The following LPP variants were observed in gnomAD, a reference collection of about 807,000 sequenced individuals.
LPP encodes lipoma-preferred partner.
A neutral mutation model predicts 60.4 loss-of-function variants in LPP; 38 were observed. The ratio of observed to expected loss-of-function variants is 0.63; its 90% CI spans 0.49 to 0.83. LPP has a LOEUF of 0.83. LPP is among the 40% of genes least tolerant of loss of function. The pLI is 0.00. For missense variants in LPP, 902 were observed against 783.6 expected, an observed-to-expected ratio of 1.15 and a Z score of -1.80; for synonymous variants, 328 against 290.8, an observed-to-expected ratio of 1.13 and a Z score of -1.30.
chr3:188,717,093 C>G (rs1023156821), intron 8 of LPP, among the ~76,000 whole-genome samples: 4 of 152,136 alleles, frequency 2.6e-5, no homozygotes, highest in African/African-American at 9.7e-5. Flanking sequence ...TAAGGGACTC[C>G]CCACTCCCCA....
chr3:188,609,265 T>C lies in LPP; in HGVS notation c.534T>C (p.Ser178=), dbSNP rs745820645. ...NQPPLTATKK[S]TLKPQPAPQA... ...CCCCTCTAACAGCAACCAAGAAGTC[T>C]ACATTGAAACCACAGCCTGCACCCC... The change falls in exon 7 of 12, where the codon TCT becomes TCC. Residue 178 remains serine, a synonymous_variant. Transcript: ENST00000617246. This position sits in a 1 kb window ranked among gnomAD's most constrained non-coding sequence, Gnocchi z 6.9. 5.0e-6 allele frequency: 8 copies of C among 1,613,930 alleles called. No homozygotes were observed. The South Asian group carries it at 8.8e-5, about 18-fold the overall frequency.
intron 9 of LPP, among the ~76,000 whole-genome samples, chr3:188,765,897 G>T (rs1324242625): frequency 7.8e-6 from 1 of 128,486 alleles, no homozygotes; most frequent in Non-Finnish European, 1.6e-5. Context: ...TGGAGACAGG[G>T]TCTCTCTCTG....
chr3:188,806,835 G>A (rs2378444), intron 9 of LPP, among the ~76,000 whole-genome samples: 37,018 of 151,468 alleles, frequency 0.24, 6,078 homozygotes, highest in East Asian at 0.81. Flanking sequence ...CCATCTTTTC[G>A]TGTTCTTGTT....
intron 9 of LPP, among the ~76,000 whole-genome samples, chr3:188,764,321 A>C (rs1163981984): frequency 6.6e-6 from 1 of 152,204 alleles, no homozygotes; most frequent in Admixed American, 6.5e-5. Context: ...ATGTCTTCAC[A>C]GATAAGGAAT....
intron 8 of LPP, among the ~76,000 whole-genome samples, chr3:188,733,663 G>A (rs549155221): frequency 6.6e-6 from 1 of 152,222 alleles, no homozygotes; most frequent in South Asian, 2.1e-4. Flanking sequence ...GGAAACTCTT[G>A]ACTTTGCTTG....
At chr3:188,226,107 C>T (rs1360233327) in intron 2 of LPP, among the ~76,000 whole-genome samples, 1 of 152,158 alleles carries the variant, frequency 6.6e-6, no homozygotes, top group Non-Finnish European at 1.5e-5. Context: ...CTCCCAGGTT[C>T]AAGCGATTCT....
chr3:188,215,638 G>C (rs1713251462), intron 1 of LPP, among the ~76,000 whole-genome samples: 2 of 152,142 alleles, frequency 1.3e-5, no homozygotes, highest in African/African-American at 4.8e-5. Flanking sequence ...ATTATATTCT[G>C]TGGTAATGAA....
At chr3:188,510,987 G>C (rs1354431797) in intron 5 of LPP, among the ~76,000 whole-genome samples, 1 of 151,790 alleles carries the variant, frequency 6.6e-6, no homozygotes, top group Non-Finnish European at 1.5e-5. Context: ...TTTCTTCAAT[G>C]CAACTGTAAG....
intron 10 of LPP, among the ~76,000 whole-genome samples, chr3:188,868,089 T>C (rs1303415445): frequency 1.3e-5 from 2 of 152,224 alleles, no homozygotes; most frequent in Non-Finnish European, 2.9e-5. Context: ...GTGCTTCACA[T>C]TATTGATATT....
chr3:188,686,162 A>G (rs1332996887), intron 7 of LPP, among the ~76,000 whole-genome samples: 1 of 152,170 alleles, frequency 6.6e-6, no homozygotes, highest in African/African-American at 2.4e-5. Flanking sequence ...TACTCAGCCC[A>G]GAGCTCTGTA....
At chr3:188,512,577 A>AAATAAAT (rs2150045007) in intron 5 of LPP, among the ~76,000 whole-genome samples, 1 of 151,352 alleles carries the variant, frequency 6.6e-6, no homozygotes, top group South Asian at 2.1e-4. Context: ...ATAAATAAAT[A>AAATAAAT]AATAAATAAA....
chr3:188,564,192 A>G (rs7610783), intron 6 of LPP, among the ~76,000 whole-genome samples: 3,347 of 152,120 alleles, frequency 0.022, 121 homozygotes, highest in African/African-American at 0.077. Context: ...ATTCTATGAT[A>G]GGAAGGTCCA....
chr3:188,720,606 T>TA (rs535969624), intron 8 of LPP, among the ~76,000 whole-genome samples: 8,221 of 127,864 alleles, frequency 0.064, 265 homozygotes, highest in Non-Finnish European at 0.091. Flanking sequence ...CCGAGGCAAT[T>TA]AAAAAAAAAA....
At chr3:188,250,794 C>CTGTCTGTCTTTCTCTT (rs1553835809) in intron 2 of LPP, among the ~76,000 whole-genome samples, 105 of 114,206 alleles carry the variant, frequency 9.2e-4, no homozygotes, top group Admixed American at 2.9e-3. Flanking sequence ...TTCTGTCTTT[C>CTGTCTGTCTTTCTCTT]TCTTTCTTTC....
At chr3:188,154,660 G>C (rs1313526279) in intron 1 of LPP, among the ~76,000 whole-genome samples, 2 of 152,180 alleles carry the variant, frequency 1.3e-5, no homozygotes, top group Non-Finnish European at 2.9e-5. Flanking sequence ...AGAGAAGGAG[G>C]GTCGCCCGGA....
At chr3:188,184,826 G>C (rs1191176364) in intron 1 of LPP, among the ~76,000 whole-genome samples, 2 of 152,014 alleles carry the variant, frequency 1.3e-5, no homozygotes, top group Non-Finnish European at 2.9e-5. Flanking sequence ...GCCTGAAGGA[G>C]ATGTAGGTTG....
chr3:188,571,723 ACT>A (rs796464759), intron 6 of LPP, among the ~76,000 whole-genome samples: 155 of 152,166 alleles, frequency 1.0e-3, no homozygotes, highest in African/African-American at 3.5e-3. Context: ...TAGATGGAAC[ACT>A]CTGTATCCTC....
intron 8 of LPP, among the ~76,000 whole-genome samples, chr3:188,733,673 G>A (rs1196704372): frequency 4.6e-5 from 7 of 152,126 alleles, no homozygotes; most frequent in African/African-American, 1.7e-4. Context: ...GACTTTGCTT[G>A]CTCATATCCA....
In LPP at chr3:188,154,246, C is replaced by A. The variant is rs1715382084; in HGVS notation, c.-196C>A. Among the ~76,000 whole-genome samples the A allele has an allele frequency of 6.6e-6, 1 of 152,024 alleles. No individual in the cohort carries two copies. The highest frequency in any genetic ancestry group is 6.6e-5 in the Admixed American group (1 of 15,262). The stretch of plus-strand genomic sequence containing the variant: ...ACCGCCGCTGCCCCGGCTGCCTCCT[C>A]CCTGAGGTATTGTTGCAAATCCTTC... On this transcript the variant is annotated 5_prime_UTR_variant, in exon 1 of 12. Coordinates refer to ENST00000617246, the MANE Select transcript of LPP (RefSeq NM_001375462.1).
Sources: allele counts gnomAD v4.1 joint callset (sites outside exome capture counted in the v4.1 genomes callset), GRCh38; gene constraint gnomAD v4.1.1; non-coding constraint Gnocchi (gnomAD v3.1); transcripts MANE v1.5; gene names NCBI Gene and HGNC (gene_info 2026-07-23, HGNC 2026-07-21).